GABRE: variants seen among roughly 807,000 people sequenced by gnomAD.
GABRE encodes gamma-aminobutyric acid type A receptor subunit epsilon.
In GABRE, 20 loss-of-function variants were observed where a neutral mutation model predicts 31.0. That is an observed-to-expected ratio of 0.64 (90% CI 0.45 to 0.94). GABRE has a LOEUF of 0.94. Among genes scored for constraint, GABRE ranks in the 40% least tolerant of loss-of-function variants. GABRE has a pLI of 0.00. For synonymous variants in GABRE, 155 were observed against 150.6 expected (o/e 1.03, Z -0.21); for missense variants, 420 against 410.7 (o/e 1.02, Z -0.20).
chrX:151,955,242 G>C lies in GABRE; in HGVS notation c.1137+126C>G, dbSNP rs185630268. 6,688 of 1,188,380 alleles carry C rather than the reference G, an allele frequency of 5.6e-3. 249 individuals are homozygous for C. In the African/African-American group the frequency reaches 0.1, roughly 18 times the overall value. On this transcript the variant is annotated intron_variant, in intron 8 of 8. Coordinates refer to ENST00000370328, the MANE Select transcript of GABRE (RefSeq NM_004961.4). ...TACATCAGGAAGTTGATTCAACCCC[G>C]CCACCACCCTGGGTAACATTCCATC...
chrX:151,966,644 G>C (rs1338691410), intron 3 of GABRE, among the ~76,000 whole-genome samples: 1 of 111,966 alleles, frequency 8.9e-6, no homozygotes, highest in Non-Finnish European at 1.9e-5. Context: ...GCAGAGACGT[G>C]TGTCCCCTCC....
intron 4 of GABRE, among the ~76,000 whole-genome samples, chrX:151,962,131 T>C (rs776839438): frequency 8.0e-5 from 9 of 112,162 alleles, no homozygotes; most frequent in Non-Finnish European, 1.3e-4. Context: ...ATTGTCTAGA[T>C]AATGCAGTCA....
chrX:151,970,146 G>C, intron 2 of GABRE, 39 bp downstream of exon 2: 1 of 1,206,421 alleles, frequency 8.3e-7, no homozygotes, highest in Non-Finnish European at 1.1e-6. Flanking sequence ...TCAACCCCTG[G>C]ACCCTCTAGG....
chrX:151,959,359 T>C, intron 6 of GABRE: 1 of 243,957 alleles, frequency 4.1e-6, no homozygotes, highest in Non-Finnish European at 7.7e-6. Flanking sequence ...CCAGTGTAGC[T>C]GCTGTAACTT....
chrX:151,957,823 C>T (rs1279536276), intron 6 of GABRE: 1 of 186,702 alleles, frequency 5.4e-6, no homozygotes, highest in Non-Finnish European at 9.9e-6. Context: ...TTGACCAGAT[C>T]ATGGTTGGTC....
chrX:151,969,095 A>G (rs1934608224), intron 3 of GABRE, among the ~76,000 whole-genome samples: 2 of 112,400 alleles, frequency 1.8e-5, no homozygotes, highest in South Asian at 7.5e-4. Context: ...TAGTGTGACC[A>G]AAGCACGTGG....
chrX:151,961,877 T>G (rs946076505), intron 4 of GABRE, among the ~76,000 whole-genome samples: 6 of 112,247 alleles, frequency 5.3e-5, no homozygotes, highest in African/African-American at 1.6e-4. Context: ...ATCTGGTTAC[T>G]CTGGGCTCCA....
rs184820191 is a variant in GABRE, at chrX:151,962,335, A to G, written c.563+88T>C. The G allele has an allele frequency of 2.8e-3, 2,272 of 812,567 alleles. 5 individuals are homozygous for G. The highest frequency in any genetic ancestry group is 3.3e-3 in the Non-Finnish European group (1,792 of 545,615). 67.0% of individuals were successfully genotyped at this position (812,567 alleles called of 1,213,427 possible). A position where few individuals can be genotyped will look rare whatever the true frequency, so the allele number is the denominator to read the frequency against. On this transcript the variant is annotated intron_variant, in intron 4 of 8. Coordinates refer to ENST00000370328, the MANE Select transcript of GABRE (RefSeq NM_004961.4). Reference sequence around the variant, plus strand: ...CAGGCCCTTAGAGGTATCATTCAGGATGAGATCTCTGCCCATGGATCTTTA... The same window carrying G: ...CAGGCCCTTAGAGGTATCATTCAGGGTGAGATCTCTGCCCATGGATCTTTA...
In GABRE at chrX:151,970,054, T is replaced by G. The variant is rs760490364; in HGVS notation, c.274+131A>C. ...GAGAATAGAGTTAATATCTCTTACC[T>G]GACAGGTCAATAGCAGATGTTCCTG... On this transcript the variant is annotated intron_variant, in intron 2 of 8. Coordinates refer to ENST00000370328, the MANE Select transcript of GABRE (RefSeq NM_004961.4). The G allele has an allele frequency of 1.6e-4, 185 of 1,126,430 alleles. No homozygotes were observed. In the South Asian group the frequency reaches 3.8e-3, roughly 23 times the overall value. 92.8% of individuals were successfully genotyped at this position (1,126,430 alleles called of 1,213,427 possible).
Position 151,955,386 on chromosome X carries a change from A to T in GABRE, c.1119T>A (p.Ala373=). ...FLIYNQTKAH[A]SPKLRHPRIN... ...CTCATACATGGCGGAGTTTAGGAGA[A>T]GCATGGGCTTTTGTCTGGTTGTAGA... The change falls in exon 8 of 9, where the codon GCT becomes GCA. Residue 373 remains alanine, a synonymous_variant. Coordinates refer to ENST00000370328, the MANE Select transcript of GABRE (RefSeq NM_004961.4). 1 of 1,212,145 alleles carries T rather than the reference A, an allele frequency of 8.2e-7. No individual in the cohort carries two copies. The highest frequency in any genetic ancestry group is 1.7e-5 in the African/African-American group (1 of 57,920).
chrX:151,974,149 C>G (rs944999347), intron 1 of GABRE, among the ~76,000 whole-genome samples: 1 of 111,513 alleles, frequency 9.0e-6, no homozygotes, highest in Non-Finnish European at 1.9e-5. Flanking sequence ...TCCCTCAGCC[C>G]GCGCACCCCC....
Position 151,974,639 on chromosome X carries a change from G to T in GABRE, c.-14C>A. 2.6e-6 allele frequency: 3 copies of T among 1,159,565 alleles called. No individual in the cohort carries two copies. Among genetic ancestry groups the T allele is most frequent in the Middle Eastern group, 2.4e-4 (1 of 4,243 alleles). Reference sequence around the variant, plus strand: ...TTTGGACAACATTTCCGCGGAGACCGGCGCGACCACCTGCGCGGAGGTCGC... The same window carrying T: ...TTTGGACAACATTTCCGCGGAGACCTGCGCGACCACCTGCGCGGAGGTCGC... On this transcript the variant is annotated 5_prime_UTR_variant, in exon 1 of 9. Coordinates refer to ENST00000370328, the MANE Select transcript of GABRE (RefSeq NM_004961.4).
At chrX:151,971,105 A>T in intron 1 of GABRE, 1 of 828,129 alleles carries the variant, frequency 1.2e-6, no homozygotes, top group Non-Finnish European at 1.5e-6. Flanking sequence ...TTAAACAAAA[A>T]TGTTAAAGGC....
At chrX:151,958,766 C>T (rs1934260756) in intron 6 of GABRE, 1 of 282,014 alleles carries the variant, frequency 3.5e-6, no homozygotes, top group Non-Finnish European at 6.9e-6. Context: ...GGCAGAAGAG[C>T]AAGGCTCCCA....
intron 4 of GABRE, 60 bp downstream of exon 4, chrX:151,962,363 T>C: frequency 9.7e-6 from 10 of 1,033,013 alleles, no homozygotes; most frequent in Non-Finnish European, 1.4e-5. Context: ...GATCTTTAGC[T>C]AAAATTATCA....
chrX:151,972,395 G>A, intron 1 of GABRE: 1 of 753,939 alleles, frequency 1.3e-6, no homozygotes, highest in Non-Finnish European at 1.6e-6. Flanking sequence ...TATGGGAAGA[G>A]AGGAGGAAAA....
intron 6 of GABRE, chrX:151,957,397 ACTC>A (rs1326435590): frequency 3.1e-6 from 1 of 321,001 alleles, no homozygotes; most frequent in East Asian, 9.9e-5. Flanking sequence ...TTGGGATAGA[ACTC>A]CTCCAGAGCT....
At chrX:151,966,565 A>T (rs1256944091) in intron 3 of GABRE, among the ~76,000 whole-genome samples, 1 of 112,147 alleles carries the variant, frequency 8.9e-6, no homozygotes, top group African/African-American at 3.2e-5. Context: ...TTTGGCTTCC[A>T]TGCAGGCTGT....
chrX:151,969,383 G>A (rs779748380), intron 3 of GABRE: 10 of 224,964 alleles, frequency 4.4e-5, no homozygotes, highest in Non-Finnish European at 7.9e-5. Flanking sequence ...ATTATCAGAA[G>A]AAAAGAGGCA....
Sources: gnomAD v4.1 joint callset for allele counts (sites outside exome capture counted in the v4.1 genomes callset) on GRCh38, gnomAD v4.1.1 for gene constraint, MANE v1.5 for transcripts, NCBI Gene and HGNC (gene_info 2026-07-23, HGNC 2026-07-21) for gene names.